Variants in ASPRV1 observed in about 807,000 individuals in gnomAD.
The protein encoded by ASPRV1 is aspartic peptidase retroviral like 1.
ASPRV1 carries 7 observed loss-of-function variants against 11.0 expected under a neutral mutation model. That is an observed-to-expected ratio of 0.64 (90% confidence interval 0.36 to 1.20). The LOEUF (loss-of-function observed/expected upper bound fraction) is 1.20. ASPRV1 is among the 50% of genes most tolerant of loss of function. The pLI is 0.02. For missense variants in ASPRV1, 299 were observed against 320.0 expected (o/e 0.93, Z 0.50); for synonymous variants, 136 against 138.4 (o/e 0.98, Z 0.12).
the ASPRV1 span, among the ~76,000 whole-genome samples, chr2:70,008,484 A>G: frequency 2.8e-5 from 3 of 107,672 alleles, no homozygotes. Context: ...AGAGGCAGCC[A>G]GGAACCTTGG....
chr2:69,991,850 A>T, the ASPRV1 span, among the ~76,000 whole-genome samples: 7 of 152,204 alleles, frequency 4.6e-5, no homozygotes, highest in Non-Finnish European at 1.0e-4. Flanking sequence ...GGCTTTATTT[A>T]AAAAAAGGAA....
At chr2:70,080,383 C>T in the ASPRV1 span, among the ~76,000 whole-genome samples, 3 of 152,148 alleles carry the variant, frequency 2.0e-5, no homozygotes, top group East Asian at 5.8e-4. Context: ...TGTGCCACCA[C>T]ACTCAGCTAA....
chr2:69,988,968 C>A, the ASPRV1 span: 1 of 333,364 alleles, frequency 3.0e-6, no homozygotes, highest in Non-Finnish European at 6.0e-6. Context: ...GACAAAAAGG[C>A]TGCCACCACT....
the ASPRV1 span, among the ~76,000 whole-genome samples, chr2:70,061,424 G>A: frequency 4.3e-4 from 65 of 151,378 alleles, no homozygotes; most frequent in African/African-American, 1.5e-3. Context: ...AAAAAACCTA[G>A]GGATAGTTAA....
the ASPRV1 span, among the ~76,000 whole-genome samples, chr2:69,933,494 G>T: frequency 9.3e-6 from 1 of 107,596 alleles, no homozygotes; most frequent in Non-Finnish European, 1.8e-5. Flanking sequence ...CAGAAGAAGT[G>T]AAAGACTTAC....
At chr2:70,084,212 T>A in the ASPRV1 span, among the ~76,000 whole-genome samples, 5 of 152,164 alleles carry the variant, frequency 3.3e-5, no homozygotes, top group Non-Finnish European at 7.4e-5. Context: ...ACCTGACAGA[T>A]AAAATTTTCT....
chr2:70,010,919 C>T, the ASPRV1 span, among the ~76,000 whole-genome samples: 1 of 152,132 alleles, frequency 6.6e-6, no homozygotes, highest in Non-Finnish European at 1.5e-5. Context: ...GTTGTATTCC[C>T]ACAGCCTGCA....
At chr2:70,075,553 T>C in the ASPRV1 span, among the ~76,000 whole-genome samples, 1 of 151,944 alleles carries the variant, frequency 6.6e-6, no homozygotes, top group East Asian at 1.9e-4. Flanking sequence ...ATGTAGAAAA[T>C]TCTCAACGTG....
chr2:69,941,575 TTTG>T, the ASPRV1 span: 1 of 152,164 alleles, frequency 6.6e-6, no homozygotes, highest in East Asian at 1.9e-4. Flanking sequence ...AGTGTTTTGT[TTTG>T]TTTTTATTTT....
the ASPRV1 span, chr2:69,998,214 C>T: frequency 6.6e-6 from 1 of 151,522 alleles, no homozygotes; most frequent in East Asian, 1.9e-4. Flanking sequence ...AGCTTCTTAA[C>T]GCTAAAAGAA....
At chr2:69,933,484 CA>C in the ASPRV1 span, among the ~76,000 whole-genome samples, 169 of 141,200 alleles carry the variant, frequency 1.2e-3, 3 homozygotes, top group Non-Finnish European at 2.9e-4. Flanking sequence ...ACAGGTTTTT[CA>C]GAAGAAGTGA....
chr2:69,968,154 T>G, the ASPRV1 span, among the ~76,000 whole-genome samples: 1 of 152,216 alleles, frequency 6.6e-6, no homozygotes. Flanking sequence ...CTTCTGTACC[T>G]TTCACTCAGT....
the ASPRV1 span, chr2:70,053,968 G>C: frequency 1.3e-5 from 2 of 152,214 alleles, no homozygotes; most frequent in African/African-American, 4.8e-5. Flanking sequence ...GGATATAAGA[G>C]ATGCCTCCTG....
the ASPRV1 span, among the ~76,000 whole-genome samples, chr2:70,026,187 C>T: frequency 6.6e-6 from 1 of 152,058 alleles, no homozygotes; most frequent in African/African-American, 2.4e-5. Context: ...GTCATGATGG[C>T]GCACGCCTGT....
chr2:69,974,863 G>A, the ASPRV1 span, among the ~76,000 whole-genome samples: 2 of 152,334 alleles, frequency 1.3e-5, no homozygotes, highest in Non-Finnish European at 2.9e-5. Context: ...GGGCTGAGGA[G>A]GGCACAGAAC....
the ASPRV1 span, among the ~76,000 whole-genome samples, chr2:69,983,477 A>G: frequency 6.6e-6 from 1 of 152,220 alleles, no homozygotes; most frequent in South Asian, 2.1e-4. Context: ...GAGGGACCAG[A>G]AGGCAGGAGG....
chr2:70,006,293 C>A, the ASPRV1 span, among the ~76,000 whole-genome samples: 1 of 152,222 alleles, frequency 6.6e-6, no homozygotes, highest in South Asian at 2.1e-4. Context: ...TTACCTCCCA[C>A]CTCCGCAAAG....
At chr2:70,077,330 G>A in the ASPRV1 span, 6 of 152,218 alleles carry the variant, frequency 3.9e-5, no homozygotes, top group African/African-American at 1.4e-4. Flanking sequence ...GTAGCTGGGA[G>A]TGGGGCTGCA....
chr2:69,969,865 G>A, the ASPRV1 span, among the ~76,000 whole-genome samples: 2 of 151,062 alleles, frequency 1.3e-5, no homozygotes, highest in Non-Finnish European at 2.9e-5. Context: ...GATCAGAGGT[G>A]CACACCACCA....
Sources: gnomAD v4.1 joint callset for allele counts (sites outside exome capture counted in the v4.1 genomes callset) on GRCh38, gnomAD v4.1.1 for gene constraint, MANE v1.5 for transcripts, NCBI Gene and HGNC (gene_info 2026-07-23, HGNC 2026-07-21) for gene names.